The following CIC variants were observed in gnomAD, a reference collection of about 807,000 sequenced individuals.
The protein encoded by CIC is protein capicua homolog.
Under a neutral mutation model 115.7 loss-of-function variants are expected in CIC, and 18 were observed. That is an observed-to-expected ratio of 0.16 (90% CI 0.11 to 0.23). The LOEUF is 0.23. Among genes scored for constraint, CIC ranks in the 10% least tolerant of loss-of-function variants. CIC has a pLI of 1.00. For missense variants in CIC, 2,000 were observed against 2,159.3 expected, an observed-to-expected ratio of 0.93 and a Z score of 1.46; for synonymous variants, 1,076 against 923.0, an observed-to-expected ratio of 1.17 and a Z score of -3.01.
Position 42,295,143 on chromosome 19 carries a change from G to GGGGGGGGCC in CIC, c.7506_7507insGGGGGGGCC (p.Gln2502_Pro2503insGlyGlyAla). On this transcript the variant is annotated inframe_insertion, in exon 21 of 21. Coordinates refer to ENST00000681038, the MANE Select transcript of CIC (RefSeq NM_001386298.1). ...AGCCTGGCTGGGAGGGGGCTCCCCA[G>GGGGGGGGCC]CCCTCCCCCCCACCCCCAGGTCCCT... The GGGGGGGGCC allele has an allele frequency of 7.2e-7, 1 of 1,382,738 alleles. No homozygotes were observed. Among genetic ancestry groups the GGGGGGGGCC allele is most frequent in the Non-Finnish European group, 9.6e-7 (1 of 1,037,826 alleles). The allele number at this position is 1,382,738 out of a possible 1,614,324, so 85.7% of individuals were successfully genotyped here. A position where few individuals can be genotyped will look rare whatever the true frequency, so the allele number is the denominator to read the frequency against.
At chr19:42,283,443 CTGTG>C (rs1322918742) in intron 2 of CIC, among the ~76,000 whole-genome samples, 1 of 151,998 alleles carries the variant, frequency 6.6e-6, no homozygotes, top group Non-Finnish European at 1.5e-5. Context: ...GGTTGTACAT[CTGTG>C]TGAGCAGGTA....
Position 42,287,520 on chromosome 19 carries a change from C to T in CIC, c.3310-25C>T, listed in dbSNP as rs2147193879. ...ACCTGTCTGCCAGGTCCTAACTGTC[C>T]CGCTCTGGGCTGTGTTTAATGCAGC... On this transcript the variant is annotated intron_variant, in intron 5 of 20. Coordinates refer to ENST00000681038, the MANE Select transcript of CIC (RefSeq NM_001386298.1). The surrounding 1 kb of genome is among the most constrained non-coding windows in gnomAD (Gnocchi z 8.7). 1 of 1,612,702 alleles carries T rather than the reference C, an allele frequency of 6.2e-7. No homozygotes were observed.
intron 2 of CIC, among the ~76,000 whole-genome samples, chr19:42,285,029 G>C (rs2037531345): frequency 6.6e-6 from 1 of 152,088 alleles, no homozygotes; most frequent in Non-Finnish European, 1.5e-5. Context: ...AAAGGTGAGG[G>C]GTGCAGAGTA....
chr19:42,285,452 T>C (rs1234812845), intron 2 of CIC, among the ~76,000 whole-genome samples: 2 of 152,090 alleles, frequency 1.3e-5, no homozygotes, highest in African/African-American at 4.8e-5. Context: ...TAGTCTTGAG[T>C]GCTCTTCAGT....
chr19:42,284,492 C>T, intron 2 of CIC: 1 of 139,914 alleles, frequency 7.1e-6, no homozygotes, highest in Non-Finnish European at 1.5e-5. Flanking sequence ...GCCCCCCGGG[C>T]GGCGGGAGGC....
At chr19:42,271,168 G>A (rs1371022096) in intron 1 of CIC, among the ~76,000 whole-genome samples, 1 of 152,224 alleles carries the variant, frequency 6.6e-6, no homozygotes, top group Non-Finnish European at 1.5e-5. Context: ...GTGTCTGAGT[G>A]CATGTACTCT....
Position 42,290,941 on chromosome 19 carries a change from G to C in CIC, c.4900G>C (p.Val1634Leu), listed in dbSNP as rs1568516024. 1.2e-6 allele frequency: 2 copies of C among 1,613,670 alleles called. No individual in the cohort carries two copies. The highest frequency in any genetic ancestry group is 8.5e-7 in the Non-Finnish European group (1 of 1,180,024). ...GGTGCCTGGGGGCTCCCCGCTGGGT[G>C]TCAGCTTAGTGTATTCGGACAAGAA... Reference protein sequence around the residue: ...SRVPGGSPLGVSLVYSDKKSA... With the variant: ...SRVPGGSPLGLSLVYSDKKSA... Residue 1634 changes from valine to leucine, a missense_variant, in exon 11 of 21, where the codon GTC (valine) becomes CTC (leucine). Around this residue, in one of 8 missense-constraint regions of CIC, gnomAD observed 1,466 missense variants for 1,390.4 expected, o/e 1.05. Coordinates refer to ENST00000681038, the MANE Select transcript of CIC (RefSeq NM_001386298.1).
At position 42,292,836 on chromosome 19, in the gene CIC, C is replaced by T. The variant is rs2038239333; in HGVS notation, c.6173C>T (p.Thr2058Ile). ...CCTGCCACTGCCACCCCAGCCCCGA[C>T]TAGCCCTTTCCCCAGCGCCACAGGT... ...PAPATATPAPTSPFPSATAGS... is the reference protein window; with the variant it reads ...PAPATATPAPISPFPSATAGS... Residue 2058 changes from threonine (T) to isoleucine (I), a missense_variant, in exon 15 of 21, where the codon ACT (threonine) becomes ATT (isoleucine). This residue lies in a region of CIC where 1,466 missense variants were observed against 1,390.4 expected (regional missense o/e 1.05). Coordinates refer to ENST00000681038, the MANE Select transcript of CIC (RefSeq NM_001386298.1). 3 of 1,613,798 alleles carry T rather than the reference C, an allele frequency of 1.9e-6. No homozygotes were observed. The highest frequency in any genetic ancestry group is 2.2e-5 in the East Asian group (1 of 44,870).
chr19:42,289,489 C>G lies in CIC; in HGVS notation c.4087+83C>G, dbSNP rs934358384. ...GTGGGCAGAACTTGGATCCAGGCCC[C>G]TAGGCCCCTTTGTTTTCTTTTCCAC... is the stretch of plus-strand genomic sequence containing the variant. On this transcript the variant is annotated intron_variant, in intron 9 of 20. Coordinates refer to ENST00000681038, the MANE Select transcript of CIC (RefSeq NM_001386298.1). 4 of 1,417,892 alleles carry G rather than the reference C, an allele frequency of 2.8e-6. No homozygotes were observed. The African/African-American group carries it at 5.7e-5, about 20-fold the overall frequency. 87.8% of individuals were successfully genotyped at this position (1,417,892 alleles called of 1,614,324 possible). A position where few individuals can be genotyped will look rare whatever the true frequency, so the allele number is the denominator to read the frequency against.
Position 42,294,970 on chromosome 19 carries a change from C to T in CIC, c.7333C>T (p.Pro2445Ser). The T allele has an allele frequency of 1.3e-6, 2 of 1,599,968 alleles. No homozygotes were observed. Among genetic ancestry groups the T allele is most frequent in the South Asian group, 1.1e-5 (1 of 91,080 alleles). The change falls in exon 21 of 21, where the codon CCT becomes TCT. Residue 2445 changes from proline (P) to serine (S), a missense_variant. Pro to Ser is a moderately conservative substitution (Grantham distance 74, BLOSUM62 -1). Coordinates refer to ENST00000681038, the MANE Select transcript of CIC (RefSeq NM_001386298.1). ...EQPPGAEAPL[P>S]VPPPTGTAAA... ...GCCCCCTGGAGCTGAGGCTCCTCTC[C>T]CTGTACCGCCCCCCACTGGCACCGC...
intron 2 of CIC, among the ~76,000 whole-genome samples, chr19:42,282,143 G>GCCT (rs1339448094): frequency 1.3e-5 from 2 of 152,328 alleles, no homozygotes; most frequent in Admixed American, 6.5e-5. Context: ...TGCATAGGAA[G>GCCT]GAGGGGGCAG....
intron 7 of CIC, among the ~76,000 whole-genome samples, chr19:42,288,252 T>G (rs1427213876): frequency 6.6e-6 from 1 of 152,234 alleles, no homozygotes; most frequent in Non-Finnish European, 1.5e-5. Flanking sequence ...TAAGCTGTAG[T>G]CTGCAAAACC....
Position 42,280,600 on chromosome 19 carries a change from A to G in CIC, c.2794+6023A>G, listed in dbSNP as rs1162763356. Among the ~76,000 whole-genome samples, 1 of 151,904 alleles carries G rather than the reference A, an allele frequency of 6.6e-6. No homozygotes were observed. Among genetic ancestry groups the G allele is most frequent in the Non-Finnish European group, 1.5e-5 (1 of 67,934 alleles). ...GGCTGGGTGGGGTACCCTCCCTCCC[A>G]CCGCAGACAGCTCGGGTGCCAGCTG... On this transcript the variant is annotated intron_variant, in intron 2 of 20. Transcript: ENST00000681038. This position sits in a 1 kb window ranked among gnomAD's most constrained non-coding sequence, Gnocchi z 4.9.
chr19:42,293,424 G>T, intron 16 of CIC, 143 bp downstream of exon 16: 1 of 1,355,916 alleles, frequency 7.4e-7, no homozygotes. Context: ...CTGCCTGCCT[G>T]TGTTGTCTCC....
In CIC at chr19:42,287,839, A is replaced by C. The variant is rs1351566683; in HGVS notation, c.3522A>C (p.Pro1174=). 1 of 1,613,640 alleles carries C rather than the reference A, an allele frequency of 6.2e-7. No individual in the cohort carries two copies. The highest frequency in any genetic ancestry group is 8.5e-7 in the Non-Finnish European group (1 of 1,179,816). The change falls in exon 7 of 21, where the codon CCA becomes CCC. Residue 1174 remains proline, a synonymous_variant. Transcript: ENST00000681038. The surrounding 1 kb of genome is among the most constrained non-coding windows in gnomAD (Gnocchi z 8.7). The part of the protein sequence containing the change: ...QVKEAHFKAH[P]DWKWCNKDRK... ...AGGAGGCCCACTTCAAGGCCCACCC[A>C]GATTGGAAGTGGTGCAACAAGGACC... is the stretch of plus-strand genomic sequence containing the variant.
chr19:42,277,418 C>T (rs1390818018), intron 2 of CIC, among the ~76,000 whole-genome samples: 4 of 152,036 alleles, frequency 2.6e-5, no homozygotes, highest in South Asian at 2.1e-4. Context: ...TTAGTAGAGC[C>T]GAGGTTTCAC....
Position 42,272,801 on chromosome 19 carries a change from C to T in CIC, c.1018C>T (p.Arg340Cys), listed in dbSNP as rs185110849. Residue 340 changes from arginine to cysteine, a missense_variant, in exon 2 of 21, where the codon CGC becomes TGC. Physicochemically the swap from Arg to Cys is radical, Grantham distance 180. This residue lies in a region of CIC where 222 missense variants were observed against 247.7 expected (regional missense o/e 0.90). Transcript: ENST00000681038. Reference protein sequence around the residue: ...WVARSSLRLLRPPWEPETMLR... With the variant: ...WVARSSLRLLCPPWEPETMLR... ...GGCCCGCTCCAGCCTACGCCTGCTG[C>T]GCCCCCCCTGGGAACCTGAGACCAT... is the stretch of plus-strand genomic sequence containing the variant. The T allele has an allele frequency of 7.5e-6, 3 of 398,908 alleles. No homozygotes were observed. The highest frequency in any genetic ancestry group is 3.6e-5 in the East Asian group (1 of 28,060). The allele number at this position is 398,908 out of a possible 1,614,324, so 24.7% of individuals were successfully genotyped here.
At position 42,292,346 on chromosome 19, in the gene CIC, A is replaced by G. The variant is rs777738858; in HGVS notation, c.5782A>G (p.Thr1928Ala). ...GGGCGGGCACGCGCTGCCCCTGGGTACCAGCCCTGCGTCCAGCCAGGCTGG... is the reference window on the plus strand; with the variant it reads ...GGGCGGGCACGCGCTGCCCCTGGGTGCCAGCCCTGCGTCCAGCCAGGCTGG... ...SAGGHALPLG[T>A]SPASSQAGTV... Residue 1928 changes from threonine to alanine, a missense_variant, in exon 14 of 21, where the codon ACC becomes GCC. This residue lies in a region of CIC where 1,466 missense variants were observed against 1,390.4 expected (regional missense o/e 1.05). Coordinates refer to ENST00000681038, the MANE Select transcript of CIC (RefSeq NM_001386298.1). The G allele has an allele frequency of 1.1e-5, 17 of 1,612,912 alleles. No individual in the cohort carries two copies. The South Asian group carries it at 1.8e-4, about 17-fold the overall frequency.
rs2036853333 is a variant in CIC at position 42,273,305 on chromosome 19, C to A, written c.1522C>A (p.Arg508=). The A allele has an allele frequency of 2.5e-6, 1 of 398,456 alleles. No homozygotes were observed. The highest frequency in any genetic ancestry group is 4.4e-6 in the Non-Finnish European group (1 of 226,002). 24.7% of individuals were successfully genotyped at this position (398,456 alleles called of 1,614,324 possible). A position where few individuals can be genotyped will look rare whatever the true frequency, so the allele number is the denominator to read the frequency against. ...NGKQWRRLCS[R]DGCMKESQRR... ...CAAGCAGTGGCGCCGGCTGTGCTCA[C>A]GAGATGGCTGCATGAAGGAGTCACA... The change falls in exon 2 of 21, where the codon CGA becomes AGA. Residue 508 remains arginine (R), a synonymous_variant. Transcript: ENST00000681038.
Sources: allele counts gnomAD v4.1 joint callset (sites outside exome capture counted in the v4.1 genomes callset), GRCh38; gene constraint gnomAD v4.1.1; regional missense constraint gnomAD v4.1.1; non-coding constraint Gnocchi (gnomAD v3.1); transcripts MANE v1.5; gene names NCBI Gene and HGNC (gene_info 2026-07-23, HGNC 2026-07-21).